RALYL: variants seen among roughly 807,000 people sequenced by gnomAD.
RALYL encodes RNA-binding Raly-like protein.
Under a neutral mutation model 35.1 loss-of-function variants are expected in RALYL, and 29 were observed. The ratio of observed to expected loss-of-function variants is 0.83; its 90% CI spans 0.61 to 1.13. RALYL has a LOEUF of 1.13. Ranked by LOEUF, RALYL falls within the 50% of genes most tolerant of loss-of-function variation. The probability of loss-of-function intolerance (pLI) is 0.00; values close to 1 mark genes in which losing one functional copy is unlikely to be tolerated. For missense variants in RALYL, 359 were observed against 360.4 expected (o/e 1.00, Z 0.03); for synonymous variants, 120 against 127.6 (o/e 0.94, Z 0.40).
At chr8:84,728,213 T>G (rs1414340674) in intron 2 of RALYL, among the ~76,000 whole-genome samples, 11 of 151,946 alleles carry the variant, frequency 7.2e-5, no homozygotes, top group African/African-American at 2.4e-4. Context: ...TTTGCATTTC[T>G]CTGATGGCCA....
intron 1 of RALYL, among the ~76,000 whole-genome samples, chr8:84,502,130 A>G (rs1171622344): frequency 1.3e-5 from 2 of 152,032 alleles, no homozygotes; most frequent in Admixed American, 1.3e-4. Context: ...ATATTTCTAT[A>G]TGCTATTTTG....
At chr8:84,905,676 T>A (rs563102284) in intron 8 of RALYL, among the ~76,000 whole-genome samples, 3 of 151,768 alleles carry the variant, frequency 2.0e-5, no homozygotes, top group Non-Finnish European at 1.5e-5. Flanking sequence ...TTGAATTTTC[T>A]GGCACTACCA....
intron 1 of RALYL, among the ~76,000 whole-genome samples, chr8:84,220,447 A>G (rs13255887): frequency 0.39 from 59,478 of 151,388 alleles, 11,749 homozygotes; most frequent in Non-Finnish European, 0.43. Context: ...ATTCTTGTCC[A>G]GTAACACTAA....
intron 1 of RALYL, among the ~76,000 whole-genome samples, chr8:84,249,691 T>G (rs1491557): frequency 0.027 from 4,134 of 152,180 alleles, 68 homozygotes; most frequent in African/African-American, 0.034. Context: ...AATCAGAAGA[T>G]GCCTCTAGAT....
chr8:84,700,278 A>C (rs1839953170), intron 2 of RALYL, among the ~76,000 whole-genome samples: 1 of 152,162 alleles, frequency 6.6e-6, no homozygotes, highest in Non-Finnish European at 1.5e-5. Flanking sequence ...TATAAAGGAT[A>C]AACATTTTAA....
intron 1 of RALYL, among the ~76,000 whole-genome samples, chr8:84,328,905 A>G (rs1846315858): frequency 1.3e-5 from 2 of 152,168 alleles, no homozygotes; most frequent in Non-Finnish European, 2.9e-5. Flanking sequence ...GATGGCCTCT[A>G]GCTGCATCTA....
chr8:84,546,413 G>T (rs1346857042), intron 2 of RALYL, among the ~76,000 whole-genome samples: 1 of 152,110 alleles, frequency 6.6e-6, no homozygotes, highest in African/African-American at 2.4e-5. Context: ...GAGCCACCAC[G>T]CCGAGCCAAG....
At chr8:84,512,946 G>A (rs146508356) in intron 1 of RALYL, among the ~76,000 whole-genome samples, 65 of 152,096 alleles carry the variant, frequency 4.3e-4, no homozygotes, top group South Asian at 1.2e-3. Flanking sequence ...AATATATTTC[G>A]AAGTCAGGTC....
rs1055120574 is a variant in RALYL at position 84,546,186 on chromosome 8, C to T, written c.256+16609C>T. 1.4e-4 allele frequency among the ~76,000 whole-genome samples: 22 copies of T among 152,046 alleles called. No individual in the cohort carries two copies. In the East Asian group the frequency reaches 3.5e-3, roughly 24 times the overall value. On this transcript the variant is annotated intron_variant, in intron 2 of 8. Transcript: ENST00000521268. Reference sequence around the variant, plus strand: ...TGTTGCCCAGGCTGGAGTACAGTGGCGCAATCTCGGCTTACTGCAGCCTCA... The same window carrying T: ...TGTTGCCCAGGCTGGAGTACAGTGGTGCAATCTCGGCTTACTGCAGCCTCA...
At chr8:84,417,723 G>A (rs954585180) in intron 1 of RALYL, among the ~76,000 whole-genome samples, 2 of 151,972 alleles carry the variant, frequency 1.3e-5, no homozygotes, top group African/African-American at 2.4e-5. Context: ...TATCAGGGAC[G>A]AGGAGACAAG....
intron 2 of RALYL, among the ~76,000 whole-genome samples, chr8:84,693,357 C>T (rs1476202651): frequency 6.6e-6 from 1 of 151,734 alleles, no homozygotes; most frequent in Non-Finnish European, 1.5e-5. Context: ...CACATGATGG[C>T]AGGAAGAAGA....
intron 2 of RALYL, among the ~76,000 whole-genome samples, chr8:84,608,732 C>T (rs1489787231): frequency 2.0e-5 from 3 of 152,226 alleles, no homozygotes; most frequent in African/African-American, 4.8e-5. Flanking sequence ...ACTGTAACAT[C>T]TCATTGCCAT....
At chr8:84,814,747 T>TA (rs1297158495) in intron 4 of RALYL, among the ~76,000 whole-genome samples, 1 of 152,214 alleles carries the variant, frequency 6.6e-6, no homozygotes. Context: ...ATATATGATA[T>TA]AAAAAGAACT....
chr8:84,718,436 G>T (rs1031898121), intron 2 of RALYL, among the ~76,000 whole-genome samples: 7 of 152,102 alleles, frequency 4.6e-5, no homozygotes, highest in African/African-American at 1.7e-4. Flanking sequence ...AGTAAAGACA[G>T]ATTTTTTAAT....
chr8:84,638,301 C>T (rs2131332686), intron 2 of RALYL, among the ~76,000 whole-genome samples: 1 of 152,050 alleles, frequency 6.6e-6, no homozygotes, highest in East Asian at 1.9e-4. Context: ...TTCTGGGACA[C>T]AGCAAGTGTG....
chr8:84,891,303 A>T (rs1843802337), intron 8 of RALYL, among the ~76,000 whole-genome samples: 1 of 152,332 alleles, frequency 6.6e-6, no homozygotes, highest in East Asian at 1.9e-4. Context: ...TGTCATTATC[A>T]GTCCAATTGA....
intron 2 of RALYL, among the ~76,000 whole-genome samples, chr8:84,708,263 C>G (rs1272554727): frequency 6.6e-6 from 1 of 152,056 alleles, no homozygotes; most frequent in Admixed American, 6.6e-5. Context: ...ACAAATTGTA[C>G]TAAACCTTTG....
chr8:84,574,308 A>T (rs1268562), intron 2 of RALYL, among the ~76,000 whole-genome samples: 28,648 of 151,968 alleles, frequency 0.19, 2,966 homozygotes, highest in Non-Finnish European at 0.23. Flanking sequence ...AGAATTGGTG[A>T]ACTCACCTTT....
chr8:84,832,020 T>C (rs183661668), intron 4 of RALYL, among the ~76,000 whole-genome samples: 28 of 152,148 alleles, frequency 1.8e-4, no homozygotes, highest in Admixed American at 1.8e-3. Context: ...GGAATGACAA[T>C]GTTTAGTATA....
Sources: allele counts gnomAD v4.1 joint callset (sites outside exome capture counted in the v4.1 genomes callset), GRCh38; gene constraint gnomAD v4.1.1; transcripts MANE v1.5; gene names NCBI Gene and HGNC (gene_info 2026-07-23, HGNC 2026-07-21).